The following MTUS2 variants were observed in gnomAD, a reference collection of about 807,000 sequenced individuals.
MTUS2 encodes the protein microtubule associated scaffold protein 2.
In MTUS2, 40 loss-of-function variants were observed where a neutral mutation model predicts 114.1. The ratio of observed to expected loss-of-function variants is 0.35; its 90% CI spans 0.27 to 0.46. The LOEUF (loss-of-function observed/expected upper bound fraction) is 0.46. MTUS2 is among the 20% of genes least tolerant of loss of function. The probability of loss-of-function intolerance (pLI) is 1.00; values close to 1 mark genes in which losing one functional copy is unlikely to be tolerated. For missense variants in MTUS2, 1,679 were observed against 1,705.4 expected (o/e 0.98, Z 0.27); for synonymous variants, 688 against 672.0 (o/e 1.02, Z -0.37).
intron 2 of MTUS2, among the ~76,000 whole-genome samples, chr13:28,843,715 T>C (rs551517018): frequency 5.9e-5 from 9 of 152,346 alleles, no homozygotes; most frequent in African/African-American, 1.7e-4. Context: ...TGTACTGTTA[T>C]GTAGCTGCTG....
At chr13:29,444,549 A>T (rs547986430) in intron 9 of MTUS2, among the ~76,000 whole-genome samples, 1 of 152,350 alleles carries the variant, frequency 6.6e-6, no homozygotes, top group African/African-American at 2.4e-5. Flanking sequence ...CAGAATCAAA[A>T]TATTTGAAGG....
chr13:29,505,668 G>A lies in MTUS2; in HGVS notation c.*2462G>A, dbSNP rs1883191611. The A allele has an allele frequency of 8.7e-6, 2 of 230,138 alleles. No homozygotes were observed. The highest frequency in any genetic ancestry group is 6.1e-5 in the East Asian group (1 of 16,272). 14.3% of individuals were successfully genotyped at this position (230,138 alleles called of 1,614,324 possible). ...AGCGACGTTTCCACGTTCGGATGCT[G>A]CAGCCTCTGCACCTGCCTCAGACAG... On this transcript the variant is annotated 3_prime_UTR_variant, in exon 16 of 16. Coordinates refer to ENST00000612955, the MANE Select transcript of MTUS2 (RefSeq NM_001033602.4).
chr13:29,063,558 T>C (rs1359911457), intron 4 of MTUS2, among the ~76,000 whole-genome samples: 1 of 152,190 alleles, frequency 6.6e-6, no homozygotes, highest in Non-Finnish European at 1.5e-5. Flanking sequence ...AAAATAAATT[T>C]TATTTTAGAG....
At chr13:29,460,860 A>G (rs17073446) in intron 9 of MTUS2, among the ~76,000 whole-genome samples, 3,268 of 151,992 alleles carry the variant, frequency 0.022, 107 homozygotes, top group African/African-American at 0.07. Flanking sequence ...CATAGACTTA[A>G]TATAGTTCCA....
At chr13:28,935,459 A>C (rs1881853480) in intron 2 of MTUS2, among the ~76,000 whole-genome samples, 2 of 151,728 alleles carry the variant, frequency 1.3e-5, no homozygotes, top group African/African-American at 4.8e-5. Context: ...ATCCTCACCA[A>C]AGCCTTTTTT....
intron 2 of MTUS2, among the ~76,000 whole-genome samples, chr13:28,995,698 G>C (rs1885069581): frequency 6.6e-6 from 1 of 152,086 alleles, no homozygotes; most frequent in Non-Finnish European, 1.5e-5. Flanking sequence ...TTGGTTCTCT[G>C]TCTGTTTTTG....
At chr13:29,073,899 A>G (rs1005295596) in intron 4 of MTUS2, among the ~76,000 whole-genome samples, 1 of 152,036 alleles carries the variant, frequency 6.6e-6, no homozygotes, top group Non-Finnish European at 1.5e-5. Context: ...TCTCATTCCT[A>G]TAACAAAGAG....
Position 28,825,736 on chromosome 13 carries a change from G to GT in MTUS2, c.-316+5128dup, listed in dbSNP as rs541632625. Among the ~76,000 whole-genome samples the GT allele has an allele frequency of 1.2e-3, 189 of 152,168 alleles. 2 individuals carry two copies. The highest frequency in any genetic ancestry group is 2.3e-3 in the Non-Finnish European group (157 of 68,034). On this transcript the variant is annotated intron_variant, in intron 1 of 15. Coordinates refer to ENST00000612955, the MANE Select transcript of MTUS2 (RefSeq NM_001033602.4). Reference sequence around the variant, plus strand: ...GGTATGGAACCAGGATGGGATAGCTGTTTCATTTTTTAAGCTGTTAGCTTG... The same window carrying GT: ...GGTATGGAACCAGGATGGGATAGCTGTTTTCATTTTTTAAGCTGTTAGCTTG...
At chr13:29,001,410 C>T (rs1039741188) in intron 2 of MTUS2, among the ~76,000 whole-genome samples, 1 of 152,016 alleles carries the variant, frequency 6.6e-6, no homozygotes, top group African/African-American at 2.4e-5. Flanking sequence ...AGATACCTGA[C>T]AGAACTAGAT....
chr13:29,156,680 G>A (rs1699299565), intron 5 of MTUS2, among the ~76,000 whole-genome samples: 1 of 152,140 alleles, frequency 6.6e-6, no homozygotes, highest in Non-Finnish European at 1.5e-5. Flanking sequence ...TAAGTGGCAA[G>A]TCTCATTAAC....
At chr13:28,858,705 C>A (rs980680506) in intron 2 of MTUS2, among the ~76,000 whole-genome samples, 3 of 152,160 alleles carry the variant, frequency 2.0e-5, no homozygotes, top group Non-Finnish European at 4.4e-5. Context: ...GAAGGAGGAA[C>A]CCCTAATTCA....
At chr13:29,293,394 G>T (rs180941826) in intron 6 of MTUS2, among the ~76,000 whole-genome samples, 40 of 152,240 alleles carry the variant, frequency 2.6e-4, no homozygotes, top group African/African-American at 8.2e-4. Flanking sequence ...TTTAGAATGA[G>T]ATACAGTCTT....
At chr13:28,929,101 A>G (rs893896891) in intron 2 of MTUS2, among the ~76,000 whole-genome samples, 16 of 152,286 alleles carry the variant, frequency 1.1e-4, no homozygotes, top group East Asian at 5.8e-4. Context: ...TCATACGTCA[A>G]AACCAAAAAT....
At chr13:29,199,387 T>G (rs181076934) in intron 5 of MTUS2, among the ~76,000 whole-genome samples, 4 of 152,174 alleles carry the variant, frequency 2.6e-5, no homozygotes, top group African/African-American at 9.6e-5. Context: ...TTATTGAGAG[T>G]TTTTAGCATG....
chr13:29,080,606 G>T (rs1228473915), intron 4 of MTUS2, among the ~76,000 whole-genome samples: 1 of 152,186 alleles, frequency 6.6e-6, no homozygotes, highest in African/African-American at 2.4e-5. Context: ...AGCCAGTCTG[G>T]TCTTTTCTTC....
chr13:29,199,828 T>G (rs1356477892), intron 5 of MTUS2, among the ~76,000 whole-genome samples: 1 of 152,156 alleles, frequency 6.6e-6, no homozygotes, highest in African/African-American at 2.4e-5. Flanking sequence ...GTCCTGGGCC[T>G]TTTATCTTTG....
intron 2 of MTUS2, among the ~76,000 whole-genome samples, chr13:29,010,805 T>C (rs1885806027): frequency 1.3e-5 from 2 of 152,124 alleles, no homozygotes; most frequent in Non-Finnish European, 2.9e-5. Flanking sequence ...AACAGTAGAC[T>C]TGAAACAGAT....
intron 5 of MTUS2, among the ~76,000 whole-genome samples, chr13:29,145,860 TTTGGAA>T (rs1892413429): frequency 6.6e-6 from 1 of 152,184 alleles, no homozygotes; most frequent in African/African-American, 2.4e-5. Context: ...TGTAAATAGT[TTTGGAA>T]GCAAGCACAA....
intron 5 of MTUS2, among the ~76,000 whole-genome samples, chr13:29,277,623 T>C (rs1898113506): frequency 6.6e-6 from 1 of 152,184 alleles, no homozygotes; most frequent in Non-Finnish European, 1.5e-5. Context: ...AGACAGTGGA[T>C]ATTTGTTCAT....
Sources: gnomAD v4.1 joint callset for allele counts (sites outside exome capture counted in the v4.1 genomes callset) on GRCh38, gnomAD v4.1.1 for gene constraint, MANE v1.5 for transcripts, NCBI Gene and HGNC (gene_info 2026-07-23, HGNC 2026-07-21) for gene names.